The following TTC28 variants were observed in gnomAD, a reference collection of about 807,000 sequenced individuals.
The protein encoded by TTC28 is tetratricopeptide repeat protein 28.
A neutral mutation model predicts 198.0 loss-of-function variants in TTC28; 61 were observed. That is an observed-to-expected ratio of 0.31 (90% CI 0.25 to 0.38). The LOEUF (loss-of-function observed/expected upper bound fraction) is 0.38, where lower values mean the gene tolerates loss of function less well. Ranked by LOEUF, TTC28 falls within the 10% of genes least tolerant of loss-of-function variation. The pLI is 1.00. For synonymous variants in TTC28, 1,171 were observed against 1,297.8 expected (o/e 0.90, Z 2.10); for missense variants, 2,678 against 3,164.0 (o/e 0.85, Z 3.69).
chr22:28,252,467 A>G (rs1930584654), intron 5 of TTC28, among the ~76,000 whole-genome samples: 1 of 152,212 alleles, frequency 6.6e-6, no homozygotes, highest in South Asian at 2.1e-4. Context: ...AAATTCATAA[A>G]TGCAAATGGT....
intron 6 of TTC28, among the ~76,000 whole-genome samples, chr22:28,118,077 A>G (rs1486618066): frequency 6.6e-6 from 1 of 152,178 alleles, no homozygotes; most frequent in East Asian, 1.9e-4. Flanking sequence ...ACTACTATGT[A>G]TCCATAAAAA....
At chr22:28,124,784 T>C (rs1479270776) in intron 6 of TTC28, among the ~76,000 whole-genome samples, 1 of 152,162 alleles carries the variant, frequency 6.6e-6, no homozygotes, top group Non-Finnish European at 1.5e-5. Context: ...TAGTCATGGG[T>C]CTCCAGTTGT....
intron 2 of TTC28, among the ~76,000 whole-genome samples, chr22:28,318,758 G>A (rs1453798880): frequency 6.8e-6 from 1 of 147,988 alleles, no homozygotes; most frequent in Non-Finnish European, 1.5e-5. Context: ...ACATGTCAAT[G>A]TAGAAAGATC....
In TTC28 at chr22:28,512,007, G is replaced by A. The variant is rs372361594; in HGVS notation, c.381+117545C>T. Among the ~76,000 whole-genome samples the A allele has an allele frequency of 3.0e-4, 45 of 151,828 alleles. 2 individuals carry two copies. In the East Asian group the frequency reaches 4.9e-3, roughly 16 times the overall value. On this transcript the variant is annotated intron_variant, in intron 2 of 22. Coordinates refer to ENST00000397906, the MANE Select transcript of TTC28 (RefSeq NM_001145418.2). ...AAAAGAATCTATCATCGGAGTGAAC[G>A]GAAAACCTACAGAATGGGAGAAAAT...
chr22:28,600,719 C>T (rs2050626586), intron 2 of TTC28, among the ~76,000 whole-genome samples: 1 of 152,144 alleles, frequency 6.6e-6, no homozygotes, highest in Non-Finnish European at 1.5e-5. Flanking sequence ...ATAATCTTAA[C>T]TATAAATTAA....
At chr22:28,119,061 T>G (rs1942715466) in intron 6 of TTC28, among the ~76,000 whole-genome samples, 1 of 152,206 alleles carries the variant, frequency 6.6e-6, no homozygotes, top group Non-Finnish European at 1.5e-5. Flanking sequence ...TCATGGGTCT[T>G]ATTCTACAAG....
chr22:28,637,512 T>C (rs114917505), intron 1 of TTC28, among the ~76,000 whole-genome samples: 1,665 of 152,012 alleles, frequency 0.011, 31 homozygotes, highest in African/African-American at 0.037. Flanking sequence ...ACAAAGCAAA[T>C]ACCTATAGCA....
intron 6 of TTC28, among the ~76,000 whole-genome samples, chr22:28,142,483 C>T (rs1408686225): frequency 2.0e-5 from 3 of 152,192 alleles, no homozygotes; most frequent in Admixed American, 6.5e-5. Context: ...ATGTAGCAAT[C>T]GTGCTCTGAA....
At chr22:28,042,823 C>T (rs1170798477) in intron 12 of TTC28, among the ~76,000 whole-genome samples, 1 of 152,028 alleles carries the variant, frequency 6.6e-6, no homozygotes, top group Non-Finnish European at 1.5e-5. Flanking sequence ...GGAGAAGAAC[C>T]CAAGAAACAG....
intron 2 of TTC28, among the ~76,000 whole-genome samples, chr22:28,502,929 ACTAC>A (rs1462760463): frequency 6.6e-6 from 1 of 152,200 alleles, no homozygotes; most frequent in East Asian, 1.9e-4. Context: ...TTTTTTGGAC[ACTAC>A]CTGACAGATT....
intron 2 of TTC28, among the ~76,000 whole-genome samples, chr22:28,403,875 C>A (rs979745802): frequency 6.6e-6 from 1 of 152,088 alleles, no homozygotes. Flanking sequence ...GCTATTTACA[C>A]CATAGGGCTA....
intron 5 of TTC28, among the ~76,000 whole-genome samples, chr22:28,233,651 G>A (rs1009299913): frequency 6.6e-5 from 10 of 152,168 alleles, no homozygotes; most frequent in African/African-American, 2.2e-4. Context: ...TGTTACAAGA[G>A]CACAATAAGC....
intron 12 of TTC28, among the ~76,000 whole-genome samples, chr22:28,047,740 T>G (rs1232596645): frequency 6.6e-6 from 1 of 152,068 alleles, no homozygotes; most frequent in Non-Finnish European, 1.5e-5. Flanking sequence ...GATGCTCTCT[T>G]CTCCTTGGCA....
Position 28,107,727 on chromosome 22 carries a change from A to G in TTC28, c.2118T>C (p.Ser706=). The G allele has an allele frequency of 6.4e-7, 1 of 1,551,876 alleles. No individual in the cohort carries two copies. ...GAAATTTAGCCTGGGAATTATTCAG[A>G]GACTGGGCTAGGGACAGTAGGTACT... The part of the protein sequence containing the change: ...CQKYLLSLAQ[S]LNNSQAKFRA... The change falls in exon 7 of 23, where the codon TCT becomes TCC. Residue 706 remains serine (S), a synonymous_variant. Transcript: ENST00000397906.
intron 2 of TTC28, among the ~76,000 whole-genome samples, chr22:28,528,738 A>T (rs556123777): frequency 2.6e-4 from 14 of 54,098 alleles, no homozygotes; most frequent in South Asian, 7.8e-4. Flanking sequence ...CCTGTCTCAT[A>T]AAAAAAAAAA....
chr22:28,477,657 T>TTC (rs2048184862), intron 2 of TTC28, among the ~76,000 whole-genome samples: 1 of 152,156 alleles, frequency 6.6e-6, no homozygotes, highest in Non-Finnish European at 1.5e-5. Flanking sequence ...ATCCAATGAG[T>TTC]GGCCTTCCTG....
intron 2 of TTC28, among the ~76,000 whole-genome samples, chr22:28,570,552 T>A (rs1429221631): frequency 6.6e-6 from 1 of 152,078 alleles, no homozygotes; most frequent in South Asian, 2.1e-4. Flanking sequence ...TGCTTGAGGT[T>A]TGAGGGTGGG....
At chr22:28,399,906 TA>T (rs2046877491) in intron 2 of TTC28, among the ~76,000 whole-genome samples, 1 of 152,112 alleles carries the variant, frequency 6.6e-6, no homozygotes, top group South Asian at 2.1e-4. Flanking sequence ...CCTTCCATAA[TA>T]ATAACAGAAA....
At chr22:28,109,698 C>T (rs959659863) in intron 6 of TTC28, among the ~76,000 whole-genome samples, 2 of 152,178 alleles carry the variant, frequency 1.3e-5, no homozygotes, top group African/African-American at 2.4e-5. Context: ...AGGAGAGCTT[C>T]GTCCATCCCA....
Sources: gnomAD v4.1 joint callset for allele counts (sites outside exome capture counted in the v4.1 genomes callset) on GRCh38, gnomAD v4.1.1 for gene constraint, MANE v1.5 for transcripts, NCBI Gene and HGNC (gene_info 2026-07-23, HGNC 2026-07-21) for gene names.